The following BTBD7 variants were observed in gnomAD, a reference collection of about 807,000 sequenced individuals.
BTBD7 encodes the protein BTB/POZ domain-containing protein 7.
In BTBD7, 38 loss-of-function variants were observed where a neutral mutation model predicts 99.9. The ratio of observed to expected loss-of-function variants is 0.38; its 90% CI spans 0.29 to 0.50. BTBD7 has a LOEUF of 0.50. Among genes scored for constraint, BTBD7 ranks in the 20% least tolerant of loss-of-function variants. The pLI is 0.93. For synonymous variants in BTBD7, 520 were observed against 511.4 expected, an observed-to-expected ratio of 1.02 and a Z score of -0.23; for missense variants, 1,170 against 1,394.6, an observed-to-expected ratio of 0.84 and a Z score of 2.57.
At chr14:93,317,859 G>A (rs2053224944) in intron 1 of BTBD7, among the ~76,000 whole-genome samples, 2 of 152,188 alleles carry the variant, frequency 1.3e-5, no homozygotes, top group African/African-American at 4.8e-5. Context: ...TAGACAGAGG[G>A]TGCCTATGTG....
intron 1 of BTBD7, among the ~76,000 whole-genome samples, chr14:93,303,388 G>A (rs1394810370): frequency 6.6e-6 from 1 of 151,858 alleles, no homozygotes; most frequent in East Asian, 1.9e-4. Context: ...CAGCTCGCTT[G>A]AGCTCAGGAG....
At position 93,303,458 on chromosome 14, in the gene BTBD7, A is replaced by T. The variant is rs1052162165; in HGVS notation, c.-106-7301T>A. ...ATCTCAGAAAAAAAAAAGTTAAAAA[A>T]AAAAATAAAAAAGATAATATGGACT... On this transcript the variant is annotated intron_variant, in intron 1 of 10. Coordinates refer to ENST00000334746, the MANE Select transcript of BTBD7 (RefSeq NM_001002860.4). Among the ~76,000 whole-genome samples, 3 of 152,282 alleles carry T rather than the reference A, an allele frequency of 2.0e-5. No homozygotes were observed. The East Asian group carries it at 5.8e-4, about 29-fold the overall frequency.
intron 3 of BTBD7, among the ~76,000 whole-genome samples, chr14:93,280,704 C>T (rs1289657397): frequency 2.6e-5 from 4 of 152,150 alleles, no homozygotes; most frequent in Non-Finnish European, 4.4e-5. Flanking sequence ...TGTTAATTTA[C>T]AATAGAGACC....
At position 93,291,366 on chromosome 14, in the gene BTBD7, C is replaced by G. The variant is rs960855442; in HGVS notation, c.1162+2492G>C. Among the ~76,000 whole-genome samples the G allele has an allele frequency of 2.6e-5, 4 of 152,146 alleles. No individual in the cohort carries two copies. In the East Asian group the frequency reaches 5.8e-4, roughly 22 times the overall value. On this transcript the variant is annotated intron_variant, in intron 3 of 10. Coordinates refer to ENST00000334746, the MANE Select transcript of BTBD7 (RefSeq NM_001002860.4). ...GAAAAGAGGGGCTTAGGCTATGTGACTTGGTTAAGGTCAAACTAAGACACG... is the reference window on the plus strand; with the variant it reads ...GAAAAGAGGGGCTTAGGCTATGTGAGTTGGTTAAGGTCAAACTAAGACACG...
intron 3 of BTBD7, chr14:93,287,924 G>C (rs571025990): frequency 1.3e-5 from 2 of 152,268 alleles, no homozygotes; most frequent in Non-Finnish European, 2.9e-5. Flanking sequence ...GTTTTTCGAG[G>C]TATGACTGAA....
chr14:93,275,291 A>G, intron 3 of BTBD7, among the ~76,000 whole-genome samples: 1 of 152,198 alleles, frequency 6.6e-6, no homozygotes, highest in East Asian at 1.9e-4. Flanking sequence ...TTGTATCCCT[A>G]TTCCTTTTAT....
At chr14:93,254,139 AT>A (rs2052403083) in intron 6 of BTBD7, among the ~76,000 whole-genome samples, 1 of 152,042 alleles carries the variant, frequency 6.6e-6, no homozygotes, top group Non-Finnish European at 1.5e-5. Context: ...GGGTTTCACC[AT>A]GTTGGTCAGG....
rs573349419 is a variant in BTBD7 at position 93,245,860 on chromosome 14, T to C, written c.2548A>G (p.Thr850Ala). 5.0e-6 allele frequency: 8 copies of C among 1,613,242 alleles called. No individual in the cohort carries two copies. Among genetic ancestry groups the C allele is most frequent in the African/African-American group, 1.3e-5 (1 of 75,020 alleles). Residue 850 changes from threonine (T) to alanine (A), a missense_variant, in exon 10 of 11, where the codon ACA (threonine) becomes GCA (alanine). Transcript: ENST00000334746. ...TCAGATGCTGCTGCTGCTGCTGCTG[T>C]TGCTGTTGAGGTGGTGGTGGCGGCA... ...AAAATTTSTA[T>A]AAAAAASEKQ... is the part of the protein sequence containing the mutation.
At chr14:93,257,433 C>T in intron 5 of BTBD7, 78 bp from the exon 6 acceptor site, 1 of 1,344,886 alleles carries the variant, frequency 7.4e-7, no homozygotes. Context: ...CTAGTACATA[C>T]ACTAACAGTA....
chr14:93,319,050 C>T (rs1420303372), intron 1 of BTBD7, among the ~76,000 whole-genome samples: 1 of 152,176 alleles, frequency 6.6e-6, no homozygotes, highest in Non-Finnish European at 1.5e-5. Flanking sequence ...TACAAAAAAA[C>T]AGAAAAATTC....
At chr14:93,326,350 C>T (rs949981167) in intron 1 of BTBD7, among the ~76,000 whole-genome samples, 11 of 152,026 alleles carry the variant, frequency 7.2e-5, no homozygotes, top group African/African-American at 2.4e-4. Context: ...GCCCATAGTC[C>T]CAGGTGCTCA....
Position 93,245,850 on chromosome 14 carries a change from G to GCTC in BTBD7, c.2557_2558insGAG (p.Ala852_Ala853insGly). 1 of 1,613,174 alleles carries GCTC rather than the reference G, an allele frequency of 6.2e-7. No homozygotes were observed. Among genetic ancestry groups the GCTC allele is most frequent in the Non-Finnish European group, 8.5e-7 (1 of 1,179,508 alleles). On this transcript the variant is annotated inframe_insertion, in exon 10 of 11. Coordinates refer to ENST00000334746, the MANE Select transcript of BTBD7 (RefSeq NM_001002860.4). ...CACTTGCTTCTCAGATGCTGCTGCT[G>GCTC]CTGCTGCTGTTGCTGTTGAGGTGGT... is the stretch of plus-strand genomic sequence containing the variant.
chr14:93,291,802 AG>A (rs200169053), intron 3 of BTBD7, among the ~76,000 whole-genome samples: 11,297 of 147,262 alleles, frequency 0.077, 895 homozygotes, highest in African/African-American at 0.21. Flanking sequence ...AAAAAAAAAA[AG>A]AGAAATTAAC....
At chr14:93,248,864 A>T (rs1002431822) in intron 8 of BTBD7, among the ~76,000 whole-genome samples, 3 of 152,256 alleles carry the variant, frequency 2.0e-5, no homozygotes, top group Admixed American at 6.5e-5. Context: ...GCTCTTGATC[A>T]TACTGAACAG....
At chr14:93,295,457 G>C (rs2052914143) in intron 2 of BTBD7, among the ~76,000 whole-genome samples, 1 of 152,044 alleles carries the variant, frequency 6.6e-6, no homozygotes, top group South Asian at 2.1e-4. Context: ...ATAAGAAATA[G>C]GGACAAACAG....
Position 93,245,999 on chromosome 14 carries a change from G to A in BTBD7, c.2409C>T (p.His803=). 2 of 1,614,112 alleles carry A rather than the reference G, an allele frequency of 1.2e-6. No individual in the cohort carries two copies. Among genetic ancestry groups the A allele is most frequent in the Non-Finnish European group, 1.7e-6 (2 of 1,180,024 alleles). ...GGCCAGCTTTAGGAGCTGTTCTGGAGTGGAACAGCGAATGATTACAGGGAT... is the reference window on the plus strand; with the variant it reads ...GGCCAGCTTTAGGAGCTGTTCTGGAATGGAACAGCGAATGATTACAGGGAT... The part of the protein sequence containing the change: ...FSYPCNHSLF[H]SRTAPKAGPP... The change falls in exon 10 of 11, where the codon CAC becomes CAT. Residue 803 remains histidine (H), a synonymous_variant. Transcript: ENST00000334746.
intron 8 of BTBD7, among the ~76,000 whole-genome samples, chr14:93,249,653 C>T (rs770113149): frequency 1.3e-5 from 2 of 152,128 alleles, no homozygotes; most frequent in African/African-American, 2.4e-5. Context: ...GTACTGTCTA[C>T]GGCTGTTGTA....
intron 1 of BTBD7, among the ~76,000 whole-genome samples, chr14:93,319,246 A>G (rs2053242526): frequency 6.6e-6 from 1 of 152,226 alleles, no homozygotes; most frequent in African/African-American, 2.4e-5. Flanking sequence ...AAAAAACAAC[A>G]GACAAAATCT....
At chr14:93,329,947 A>T (rs2053381625) in intron 1 of BTBD7, among the ~76,000 whole-genome samples, 1 of 152,210 alleles carries the variant, frequency 6.6e-6, no homozygotes, top group South Asian at 2.1e-4. Context: ...AATGGTTAAG[A>T]TGGTAAATTG....
Sources: allele counts gnomAD v4.1 joint callset (sites outside exome capture counted in the v4.1 genomes callset), GRCh38; gene constraint gnomAD v4.1.1; transcripts MANE v1.5; gene names NCBI Gene and HGNC (gene_info 2026-07-23, HGNC 2026-07-21).